AGPAT3: variants seen among roughly 807,000 people sequenced by gnomAD.
AGPAT3 encodes 1-acyl-sn-glycerol-3-phosphate acyltransferase gamma.
Under a neutral mutation model 47.3 loss-of-function variants are expected in AGPAT3, and 5 were observed. That is an observed-to-expected ratio of 0.11 (90% CI 0.06 to 0.22). The LOEUF (loss-of-function observed/expected upper bound fraction) is 0.22. Among genes scored for constraint, AGPAT3 ranks in the 10% least tolerant of loss-of-function variants. The probability of loss-of-function intolerance (pLI) is 1.00; values close to 1 mark genes in which losing one functional copy is unlikely to be tolerated. For missense variants in AGPAT3, 315 were observed against 493.0 expected (o/e 0.64, Z 3.42); for synonymous variants, 212 against 208.3 (o/e 1.02, Z -0.15).
rs560821025 is a variant in AGPAT3, at chr21:43,879,733, C to T, written c.-112+14388C>T. On this transcript the variant is annotated intron_variant, in intron 1 of 9. Transcript: ENST00000291572. Reference sequence around the variant, plus strand: ...GTCAGGGCGGCCATGTTGTGTGTGGCTGTCTGCACTCTGAGTCCTGGCTGG... The same window carrying T: ...GTCAGGGCGGCCATGTTGTGTGTGGTTGTCTGCACTCTGAGTCCTGGCTGG... 1.9e-4 allele frequency among the ~76,000 whole-genome samples: 29 copies of T among 152,298 alleles called. No individual in the cohort carries two copies. The South Asian group carries it at 5.4e-3, about 28-fold the overall frequency.
At chr21:43,951,149 C>T (rs1374060055) in intron 2 of AGPAT3, among the ~76,000 whole-genome samples, 1 of 151,474 alleles carries the variant, frequency 6.6e-6, no homozygotes, top group Non-Finnish European at 1.5e-5. Flanking sequence ...CCTCCCGTGC[C>T]ACCACCTCGC....
intron 2 of AGPAT3, among the ~76,000 whole-genome samples, chr21:43,926,468 G>A (rs1040152598): frequency 3.3e-5 from 5 of 152,092 alleles, no homozygotes; most frequent in East Asian, 1.9e-4. Context: ...GTGGCCCAGC[G>A]TTGGCTCGGG....
intron 2 of AGPAT3, among the ~76,000 whole-genome samples, chr21:43,945,256 C>T (rs567112848): frequency 1.3e-5 from 2 of 152,278 alleles, no homozygotes; most frequent in East Asian, 3.9e-4. Context: ...CGGGGTCGCA[C>T]CTTGGCTACC....
chr21:43,934,691 C>CGAGGAGGCCACGTGCCCATGGTG lies in AGPAT3; in HGVS notation c.-48-24936_-48-24914dup, dbSNP rs1330408161. On this transcript the variant is annotated intron_variant, in intron 2 of 9. Transcript: ENST00000291572. The surrounding 1 kb of genome is among the most constrained non-coding windows in gnomAD (Gnocchi z 4.7). ...GATGACATTCAGATAGCTGGGAGCA[C>CGAGGAGGCCACGTGCCCATGGTG]GAGGAGGCCACGTGCCCATGGTGGA... 5.3e-5 allele frequency among the ~76,000 whole-genome samples: 8 copies of CGAGGAGGCCACGTGCCCATGGTG among 152,084 alleles called. No homozygotes were observed. The highest frequency in any genetic ancestry group is 2.9e-5 in the Non-Finnish European group (2 of 68,010).
chr21:43,882,298 T>C (rs1309079803), intron 1 of AGPAT3, among the ~76,000 whole-genome samples: 4 of 152,282 alleles, frequency 2.6e-5, no homozygotes, highest in Non-Finnish European at 2.9e-5. Flanking sequence ...AGCATTGTGA[T>C]GTCTCTTGTG....
chr21:43,877,518 C>T (rs553760590), intron 1 of AGPAT3, among the ~76,000 whole-genome samples: 1 of 152,054 alleles, frequency 6.6e-6, no homozygotes, highest in Non-Finnish European at 1.5e-5. Context: ...TGTTGGCTCA[C>T]CACAACTTCC....
Position 43,952,648 on chromosome 21 carries a change from A to T in AGPAT3, c.-48-6986A>T, listed in dbSNP as rs1341305404. On this transcript the variant is annotated intron_variant, in intron 2 of 9. Transcript: ENST00000291572. This position sits in a 1 kb window ranked among gnomAD's most constrained non-coding sequence, Gnocchi z 5.6. Reference sequence around the variant, plus strand: ...CTGGCGCCAGGCTTCCGGGCAACCTAAATCTGTTGTTTAATGAAGACGCGC... The same window carrying T: ...CTGGCGCCAGGCTTCCGGGCAACCTTAATCTGTTGTTTAATGAAGACGCGC... 6.6e-6 allele frequency among the ~76,000 whole-genome samples: 1 copy of T among 152,080 alleles called. No individual in the cohort carries two copies. The highest frequency in any genetic ancestry group is 1.5e-5 in the Non-Finnish European group (1 of 68,008).
Position 43,982,613 on chromosome 21 carries a change from G to A in AGPAT3, c.*221G>A, listed in dbSNP as rs950553651. ...GGTCCCAGCATCTCCACGCGCGCCCGTGGGAGGTGGGTCCGGCCGGAGAGG... is the reference window on the plus strand; with the variant it reads ...GGTCCCAGCATCTCCACGCGCGCCCATGGGAGGTGGGTCCGGCCGGAGAGG... On this transcript the variant is annotated 3_prime_UTR_variant, in exon 10 of 10. Coordinates refer to ENST00000291572, the MANE Select transcript of AGPAT3 (RefSeq NM_020132.5). The surrounding 1 kb of genome is among the most constrained non-coding windows in gnomAD (Gnocchi z 6.2). The A allele has an allele frequency of 3.6e-5, 14 of 392,258 alleles. No homozygotes were observed. Among genetic ancestry groups the A allele is most frequent in the Non-Finnish European group, 5.5e-5 (12 of 218,354 alleles). 24.3% of individuals were successfully genotyped at this position (392,258 alleles called of 1,614,324 possible). A position where few individuals can be genotyped will look rare whatever the true frequency, so the allele number is the denominator to read the frequency against.
At chr21:43,940,214 G>C (rs1468673060) in intron 2 of AGPAT3, among the ~76,000 whole-genome samples, 2 of 152,222 alleles carry the variant, frequency 1.3e-5, no homozygotes, top group Admixed American at 1.3e-4. Flanking sequence ...GGTCCTTCTC[G>C]CCGGCTTCAG....
intron 2 of AGPAT3, among the ~76,000 whole-genome samples, chr21:43,936,942 T>C (rs897629871): frequency 6.6e-6 from 1 of 152,254 alleles, no homozygotes. Context: ...AAAAATGACA[T>C]ATTTAGAAGT....
chr21:43,987,352 A>T lies in AGPAT3; in HGVS notation c.*4960A>T, dbSNP rs1465322663. Among the ~76,000 whole-genome samples the T allele has an allele frequency of 6.6e-6, 1 of 152,192 alleles. No individual in the cohort carries two copies. The highest frequency in any genetic ancestry group is 1.5e-5 in the Non-Finnish European group (1 of 68,024). On this transcript the variant is annotated 3_prime_UTR_variant, in exon 10 of 10. Transcript: ENST00000291572. ...TTTCTGGGAGGGGAAATTGAAAAGGAGAGCGGTCACCTGGCAAAAACACAG... is the reference window on the plus strand; with the variant it reads ...TTTCTGGGAGGGGAAATTGAAAAGGTGAGCGGTCACCTGGCAAAAACACAG...
chr21:43,897,169 A>G (rs2086239820), intron 1 of AGPAT3, among the ~76,000 whole-genome samples: 1 of 151,896 alleles, frequency 6.6e-6, no homozygotes, highest in Non-Finnish European at 1.5e-5. Flanking sequence ...CTTAAGGAGC[A>G]TGCTGCCTTC....
intron 1 of AGPAT3, among the ~76,000 whole-genome samples, chr21:43,877,102 G>A (rs541832969): frequency 6.8e-4 from 104 of 152,242 alleles, no homozygotes; most frequent in African/African-American, 2.1e-3. Context: ...CAGGGGATCC[G>A]CTTGCCTTGG....
intron 1 of AGPAT3, among the ~76,000 whole-genome samples, chr21:43,876,354 C>T (rs897961399): frequency 9.2e-5 from 14 of 152,314 alleles, no homozygotes; most frequent in Middle Eastern, 3.4e-3. Flanking sequence ...CTCCCTGATC[C>T]TTGCCTGTCA....
chr21:43,869,077 G>A (rs1247841461), intron 1 of AGPAT3, among the ~76,000 whole-genome samples: 1 of 152,194 alleles, frequency 6.6e-6, no homozygotes, highest in Non-Finnish European at 1.5e-5. Flanking sequence ...CTTGTAGAAG[G>A]CCGTACTTGC....
At chr21:43,928,711 T>C (rs1054553829) in intron 2 of AGPAT3, among the ~76,000 whole-genome samples, 4 of 152,196 alleles carry the variant, frequency 2.6e-5, no homozygotes, top group Admixed American at 6.5e-5. Context: ...GAGTTTTCCT[T>C]CTGGGATGCA....
At chr21:43,941,208 G>T (rs976327216) in intron 2 of AGPAT3, among the ~76,000 whole-genome samples, 1 of 152,174 alleles carries the variant, frequency 6.6e-6, no homozygotes, top group Non-Finnish European at 1.5e-5. Flanking sequence ...GAGGTTCCAC[G>T]CTAGACTGTG....
intron 2 of AGPAT3, among the ~76,000 whole-genome samples, chr21:43,936,524 C>T (rs951932627): frequency 5.3e-5 from 8 of 152,226 alleles, no homozygotes; most frequent in East Asian, 1.9e-4. Flanking sequence ...AGGATTTCTC[C>T]GGCAGAGGAA....
At chr21:43,977,987 C>A in intron 7 of AGPAT3, 59 bp from the exon 8 acceptor site, 1 of 1,456,384 alleles carries the variant, frequency 6.9e-7, no homozygotes, top group Non-Finnish European at 9.5e-7. Flanking sequence ...CCTGTGCCCT[C>A]TTTCTAGTGT....
Sources: gnomAD v4.1 joint callset for allele counts (sites outside exome capture counted in the v4.1 genomes callset) on GRCh38, gnomAD v4.1.1 for gene constraint, Gnocchi (gnomAD v3.1) non-coding constraint, MANE v1.5 for transcripts, NCBI Gene and HGNC (gene_info 2026-07-23, HGNC 2026-07-21) for gene names.